Variants in KIAA0930 observed in about 807,000 individuals in gnomAD.
The protein encoded by KIAA0930 is KIAA0930.
In KIAA0930, 24 loss-of-function variants were observed where a neutral mutation model predicts 43.9. The observed-to-expected ratio is 0.55, with a 90% CI of 0.40 to 0.77. The LOEUF (loss-of-function observed/expected upper bound fraction) is 0.77, where lower values mean the gene tolerates loss of function less well. KIAA0930 is among the 30% of genes least tolerant of loss of function. The pLI is 0.00. For synonymous variants in KIAA0930, 259 were observed against 216.4 expected, an observed-to-expected ratio of 1.20 and a Z score of -1.73; for missense variants, 461 against 574.2, an observed-to-expected ratio of 0.80 and a Z score of 2.02.
chr22:45,240,484 G>C (rs918058237), intron 1 of KIAA0930, among the ~76,000 whole-genome samples, 156 bp downstream of exon 1: 1 of 151,956 alleles, frequency 6.6e-6, no homozygotes, highest in Non-Finnish European at 1.5e-5. Context: ...TGGGGGGGGG[G>C]CCATGGAGGA....
chr22:45,239,212 C>G (rs998826344), intron 1 of KIAA0930, among the ~76,000 whole-genome samples: 11 of 152,220 alleles, frequency 7.2e-5, no homozygotes, highest in African/African-American at 2.4e-4. Flanking sequence ...GCCAAGTGAC[C>G]TGCAGCAGAT....
At chr22:45,238,831 G>GGCTATGCT (rs1206631915) in intron 1 of KIAA0930, among the ~76,000 whole-genome samples, 1 of 151,240 alleles carries the variant, frequency 6.6e-6, no homozygotes. Context: ...GGTCAGTCCC[G>GGCTATGCT]GCTATGCTGC....
chr22:45,199,471 T>C (rs2083567080), intron 8 of KIAA0930, among the ~76,000 whole-genome samples: 1 of 152,154 alleles, frequency 6.6e-6, no homozygotes, highest in South Asian at 2.1e-4. Flanking sequence ...GAGGGCGAGC[T>C]GGCCCAAGGC....
At chr22:45,209,095 G>A (rs1435439128) in intron 2 of KIAA0930, among the ~76,000 whole-genome samples, 2 of 152,208 alleles carry the variant, frequency 1.3e-5, no homozygotes, top group African/African-American at 4.8e-5. Context: ...TTGGGCCCTG[G>A]AGCACTCGGG....
Position 45,211,942 on chromosome 22 carries a change from CG to C in KIAA0930, c.216+13del. ...GGGGCACAGACGCAGGGGCAGGGGC[CG>C]GGGGTCACTCACCTTCCTCCCGTCT... On this transcript the variant is annotated intron_variant, in intron 2 of 9. Transcript: ENST00000336156. 2 of 1,607,418 alleles carry C rather than the reference CG, an allele frequency of 1.2e-6. No individual in the cohort carries two copies.
At chr22:45,215,186 C>T (rs531147149) in intron 1 of KIAA0930, among the ~76,000 whole-genome samples, 24 of 152,222 alleles carry the variant, frequency 1.6e-4, no homozygotes, top group Admixed American at 1.4e-3. Context: ...CCACTGCACT[C>T]CGGCCTGGGA....
chr22:45,216,863 G>GCCCTGCCTT (rs2083736012), intron 1 of KIAA0930, among the ~76,000 whole-genome samples: 2 of 152,092 alleles, frequency 1.3e-5, no homozygotes, highest in Non-Finnish European at 2.9e-5. Context: ...TGTGCTCACG[G>GCCCTGCCTT]CCCTGCCTTC....
intron 1 of KIAA0930, among the ~76,000 whole-genome samples, chr22:45,222,424 C>T (rs1372633901): frequency 6.6e-6 from 1 of 152,206 alleles, no homozygotes; most frequent in Non-Finnish European, 1.5e-5. Flanking sequence ...ATCCTCCCAC[C>T]TCAGCCTCCT....
chr22:45,202,916 C>T (rs751314964), intron 7 of KIAA0930, 74 bp downstream of exon 7: 13 of 1,302,050 alleles, frequency 1.0e-5, no homozygotes, highest in South Asian at 1.4e-5. Context: ...CCCAGGGGGC[C>T]GTGAGCACGG....
At position 45,197,092 on chromosome 22, in the gene KIAA0930, C is replaced by T. The variant is rs533870817; in HGVS notation, c.*84G>A. 1.6e-6 allele frequency: 2 copies of T among 1,212,696 alleles called. No homozygotes were observed. Among genetic ancestry groups the T allele is most frequent in the South Asian group, 1.6e-5 (1 of 63,126 alleles). 75.1% of individuals were successfully genotyped at this position (1,212,696 alleles called of 1,614,324 possible). A position where few individuals can be genotyped will look rare whatever the true frequency, so the allele number is the denominator to read the frequency against. ...TCCAGCACTGGCGTGCCATCGCAGA[C>T]CCCGGTGGCGGTGGACAGGTAGGCA... On this transcript the variant is annotated 3_prime_UTR_variant, in exon 10 of 10. Transcript: ENST00000336156.
At chr22:45,203,327 G>C in intron 6 of KIAA0930, 143 bp from the exon 7 acceptor site, 2 of 822,280 alleles carry the variant, frequency 2.4e-6, no homozygotes, top group South Asian at 3.5e-5. Flanking sequence ...GGCAGGCGGG[G>C]CAGCTGGAAT....
chr22:45,197,217 C>G lies in KIAA0930; in HGVS notation c.1175-1G>C. On this transcript the variant is annotated splice_acceptor_variant, in intron 9 of 9. Coordinates refer to ENST00000336156, the MANE Select transcript of KIAA0930 (RefSeq NM_001009880.2). LOFTEE classifies it high-confidence loss of function. ...GGCTTCTGCCGAACTTCCAGGATGT[C>G]TAGGGCCGGCAGGAGGGAAGCAGGT... is the stretch of plus-strand genomic sequence containing the variant. 6.5e-7 allele frequency: 1 copy of G among 1,550,366 alleles called. No homozygotes were observed. Among genetic ancestry groups the G allele is most frequent in the Non-Finnish European group, 8.7e-7 (1 of 1,146,354 alleles).
chr22:45,233,642 C>T (rs2083868224), intron 1 of KIAA0930, among the ~76,000 whole-genome samples: 2 of 152,170 alleles, frequency 1.3e-5, no homozygotes, highest in African/African-American at 2.4e-5. Context: ...GACCTGGTGG[C>T]TGCTCTCAGG....
Position 45,205,138 on chromosome 22 carries a change from T to A in KIAA0930, c.516+79A>T. 2.5e-6 allele frequency: 3 copies of A among 1,218,704 alleles called. 1 individual carries two copies. Among genetic ancestry groups the A allele is most frequent in the Non-Finnish European group, 3.6e-6 (3 of 825,398 alleles). 75.5% of individuals were successfully genotyped at this position (1,218,704 alleles called of 1,614,324 possible). On this transcript the variant is annotated intron_variant, in intron 5 of 9. Coordinates refer to ENST00000336156, the MANE Select transcript of KIAA0930 (RefSeq NM_001009880.2). The stretch of plus-strand genomic sequence containing the variant: ...AGCCACCCATGCCTTTCTGCAAGGC[T>A]AAGGCCGCGGGGAGAAGCGCCTAAC...
chr22:45,212,681 C>G (rs1470640941), intron 1 of KIAA0930, among the ~76,000 whole-genome samples: 1 of 152,238 alleles, frequency 6.6e-6, no homozygotes, highest in African/African-American at 2.4e-5. Context: ...CTCATCTGAT[C>G]CTCACAGGGA....
intron 1 of KIAA0930, chr22:45,212,324 G>T (rs747040476): frequency 6.2e-7 from 1 of 1,612,462 alleles, no homozygotes; most frequent in South Asian, 1.1e-5. Context: ...CCTCCACTCA[G>T]CAGCAGCCTG....
intron 1 of KIAA0930, among the ~76,000 whole-genome samples, chr22:45,228,878 AAGATCCCTCCCCATCCCCCCAAC>A (rs2083825142): frequency 7.0e-5 from 2 of 28,594 alleles, no homozygotes; most frequent in Non-Finnish European, 1.1e-4. Context: ...ACTCACCCGA[AAGATCCCTCCCCATCCCCCCAAC>A]CACTCACCCG....
intron 1 of KIAA0930, among the ~76,000 whole-genome samples, chr22:45,218,457 T>G (rs1196981961): frequency 2.7e-5 from 4 of 148,676 alleles, no homozygotes; most frequent in Non-Finnish European, 5.9e-5. Flanking sequence ...GTGCTGGGAT[T>G]ACAGGTGTGA....
At chr22:45,236,928 C>A (rs181354953) in intron 1 of KIAA0930, among the ~76,000 whole-genome samples, 2 of 152,254 alleles carry the variant, frequency 1.3e-5, no homozygotes, top group African/African-American at 4.8e-5. Context: ...GGCACAGAGA[C>A]AAGCAGCCGG....
Sources: allele counts gnomAD v4.1 joint callset (sites outside exome capture counted in the v4.1 genomes callset), GRCh38; gene constraint gnomAD v4.1.1; transcripts MANE v1.5; gene names NCBI Gene and HGNC (gene_info 2026-07-23, HGNC 2026-07-21).